Variants in LPGAT1 observed in about 807,000 individuals in gnomAD.
The protein encoded by LPGAT1 is lysophosphatidylglycerol acyltransferase 1.
In LPGAT1, 11 loss-of-function variants were observed where a neutral mutation model predicts 47.5. The ratio of observed to expected loss-of-function variants is 0.23; its 90% CI spans 0.15 to 0.38. LPGAT1 has a LOEUF of 0.38. LPGAT1 is among the 10% of genes least tolerant of loss of function. LPGAT1 has a pLI of 1.00. For synonymous variants in LPGAT1, 138 were observed against 144.2 expected, an observed-to-expected ratio of 0.96 and a Z score of 0.31; for missense variants, 293 against 439.0, an observed-to-expected ratio of 0.67 and a Z score of 2.97.
At chr1:211,762,151 A>G (rs745421039) in intron 6 of LPGAT1, among the ~76,000 whole-genome samples, 24 of 152,248 alleles carry the variant, frequency 1.6e-4, no homozygotes, top group Non-Finnish European at 2.6e-4. Flanking sequence ...CAGGGCTAAA[A>G]GAGATCTCAA....
At chr1:211,766,395 C>T (rs1296011086) in intron 6 of LPGAT1, among the ~76,000 whole-genome samples, 1 of 152,188 alleles carries the variant, frequency 6.6e-6, no homozygotes, top group Non-Finnish European at 1.5e-5. Flanking sequence ...AACGGGGTTA[C>T]ATTGTGATAA....
At chr1:211,821,632 T>A (rs1660371961) in intron 2 of LPGAT1, among the ~76,000 whole-genome samples, 1 of 152,218 alleles carries the variant, frequency 6.6e-6, no homozygotes, top group Admixed American at 6.5e-5. Flanking sequence ...AGCATAAGCA[T>A]ACATAATAGC....
chr1:211,814,030 C>A (rs894894832), intron 2 of LPGAT1, among the ~76,000 whole-genome samples: 1 of 152,106 alleles, frequency 6.6e-6, no homozygotes, highest in Non-Finnish European at 1.5e-5. Flanking sequence ...CATATCAGTT[C>A]TTTTAGAATT....
intron 2 of LPGAT1, among the ~76,000 whole-genome samples, chr1:211,813,879 C>A (rs1391024102): frequency 1.3e-5 from 2 of 152,086 alleles, no homozygotes; most frequent in East Asian, 3.9e-4. Context: ...AAGCAATTTA[C>A]AAGTCTGTTA....
chr1:211,818,210 C>A (rs1660248137), intron 2 of LPGAT1, among the ~76,000 whole-genome samples: 1 of 152,132 alleles, frequency 6.6e-6, no homozygotes, highest in African/African-American at 2.4e-5. Flanking sequence ...CCATGCTTAA[C>A]AGAAATAGAC....
chr1:211,829,314 T>C lies in LPGAT1; in HGVS notation c.-18A>G, dbSNP rs769332116. The C allele has an allele frequency of 1.2e-6, 2 of 1,613,194 alleles. No homozygotes were observed. Among genetic ancestry groups the C allele is most frequent in the South Asian group, 2.2e-5 (2 of 91,022 alleles). ...ATAGCCATTCTCACACTGGACTCCG[T>C]CCTGTCTTTCTGGGGTGAAAGAAAA... On this transcript the variant is annotated 5_prime_UTR_variant, in exon 2 of 8. Coordinates refer to ENST00000366997, the MANE Select transcript of LPGAT1 (RefSeq NM_014873.3).
rs67342051 is a variant in LPGAT1 at position 211,774,132 on chromosome 1, C to CT, written c.854+4785dup. Among the ~76,000 whole-genome samples, 96 of 66,824 alleles carry CT rather than the reference C, an allele frequency of 1.4e-3. 10 individuals are homozygous for CT. The highest frequency in any genetic ancestry group is 3.4e-3 in the African/African-American group (51 of 15,078). The allele number at this position is 66,824 out of a possible 152,430, so 43.8% of individuals were successfully genotyped here. Reference sequence around the variant, plus strand: ...AAAGTGCTTTGTGTTTTTTAAAAGTCTTTTTTTTTTTTTTTTTTTTGAGAC... The same window carrying CT: ...AAAGTGCTTTGTGTTTTTTAAAAGTCTTTTTTTTTTTTTTTTTTTTTGAGAC... On this transcript the variant is annotated intron_variant, in intron 6 of 7. Coordinates refer to ENST00000366997, the MANE Select transcript of LPGAT1 (RefSeq NM_014873.3).
intron 2 of LPGAT1, among the ~76,000 whole-genome samples, chr1:211,800,086 G>A (rs997857284): frequency 4.1e-5 from 6 of 147,312 alleles, no homozygotes; most frequent in Non-Finnish European, 9.2e-5. Flanking sequence ...CCAGGCTGGA[G>A]TGCAGTGGCA....
intron 6 of LPGAT1, among the ~76,000 whole-genome samples, chr1:211,768,905 C>T (rs966694589): frequency 1.3e-5 from 2 of 152,014 alleles, no homozygotes; most frequent in Non-Finnish European, 2.9e-5. Context: ...AGGAAACAGT[C>T]AGTAGGAACA....
chr1:211,781,831 C>T (rs1260000812), intron 5 of LPGAT1, among the ~76,000 whole-genome samples: 1 of 152,180 alleles, frequency 6.6e-6, no homozygotes, highest in East Asian at 1.9e-4. Flanking sequence ...AGTCTCCATG[C>T]TATGGGCACA....
chr1:211,795,573 G>T (rs1423775073), intron 2 of LPGAT1, among the ~76,000 whole-genome samples: 2 of 152,130 alleles, frequency 1.3e-5, no homozygotes, highest in Non-Finnish European at 2.9e-5. Context: ...CTCCATGTTG[G>T]TCAGGCTGGT....
intron 6 of LPGAT1, among the ~76,000 whole-genome samples, chr1:211,754,973 C>A (rs1245077957): frequency 6.7e-6 from 1 of 149,308 alleles, no homozygotes; most frequent in Non-Finnish European, 1.5e-5. Context: ...GCAATGGCGC[C>A]ACTGCACTCC....
At position 211,829,262 on chromosome 1, in the gene LPGAT1, C is replaced by A; in HGVS notation, c.35G>T (p.Gly12Val). The change falls in exon 2 of 8, where the codon GGC (glycine) becomes GTC (valine). Residue 12 changes from glycine (G) to valine (V), a missense_variant. By Grantham distance (109) the Gly-to-Val change is moderately radical (BLOSUM62 -3). Transcript: ENST00000366997. ...AITLEEAPWL[G>V]WLLVKALMRF... ...CATCAGTGCTTTCACCAAGAGCCAG[C>A]CCAGCCACGGAGCTTCTTCCAAAGT... 1 of 1,614,164 alleles carries A rather than the reference C, an allele frequency of 6.2e-7. No individual in the cohort carries two copies. The highest frequency in any genetic ancestry group is 8.5e-7 in the Non-Finnish European group (1 of 1,180,034).
intron 6 of LPGAT1, among the ~76,000 whole-genome samples, chr1:211,760,783 G>C (rs550380576): frequency 5.9e-5 from 9 of 152,276 alleles, no homozygotes; most frequent in African/African-American, 1.9e-4. Context: ...CTAGACAGAA[G>C]GGTGCTCGGA....
At chr1:211,772,822 G>A (rs1044596933) in intron 6 of LPGAT1, among the ~76,000 whole-genome samples, 1 of 152,124 alleles carries the variant, frequency 6.6e-6, no homozygotes, top group African/African-American at 2.4e-5. Context: ...TGAAATCACA[G>A]CCCCTAAAAT....
rs1657065227 is a variant in LPGAT1 at position 211,749,141 on chromosome 1, T to C, written c.*758A>G. On this transcript the variant is annotated 3_prime_UTR_variant, in exon 8 of 8. Coordinates refer to ENST00000366997, the MANE Select transcript of LPGAT1 (RefSeq NM_014873.3). ...CCCATTTGTTTTCAGGCTATATTAC[T>C]AATCCTTTGCTATATCTGCATCTCA... is the stretch of plus-strand genomic sequence containing the variant. 6.6e-6 allele frequency: 1 copy of C among 152,664 alleles called. No individual in the cohort carries two copies. Among genetic ancestry groups the C allele is most frequent in the South Asian group, 2.1e-4 (1 of 4,818 alleles). 9.5% of individuals were successfully genotyped at this position (152,664 alleles called of 1,614,324 possible). A position where few individuals can be genotyped will look rare whatever the true frequency, so the allele number is the denominator to read the frequency against.
In LPGAT1 at chr1:211,797,676, C is replaced by A. The variant is rs961820281; in HGVS notation, c.239-4486G>T. ...CAGATTATGCCTTGCTATTCCAGGA[C>A]CAGTAAATATAGTAATAAAGCTAAT... is the stretch of plus-strand genomic sequence containing the variant. On this transcript the variant is annotated intron_variant, in intron 2 of 7. Transcript: ENST00000366997. Among the ~76,000 whole-genome samples, 69 of 151,944 alleles carry A rather than the reference C, an allele frequency of 4.5e-4. 1 individual carries two copies. The highest frequency in any genetic ancestry group is 1.6e-3 in the African/African-American group (68 of 41,356).
chr1:211,765,988 A>G (rs951746208), intron 6 of LPGAT1, among the ~76,000 whole-genome samples: 21 of 152,228 alleles, frequency 1.4e-4, no homozygotes, highest in African/African-American at 4.1e-4. Context: ...GGAGAACAAA[A>G]AGGTAGAGGA....
At chr1:211,809,625 C>A (rs992987118) in intron 2 of LPGAT1, among the ~76,000 whole-genome samples, 1 of 152,114 alleles carries the variant, frequency 6.6e-6, no homozygotes, top group East Asian at 1.9e-4. Context: ...ATGCTGTTCT[C>A]ATGATAGTGA....
Sources: allele counts gnomAD v4.1 joint callset (sites outside exome capture counted in the v4.1 genomes callset), GRCh38; gene constraint gnomAD v4.1.1; transcripts MANE v1.5; gene names NCBI Gene and HGNC (gene_info 2026-07-23, HGNC 2026-07-21).